The following LDLRAD4 variants were observed in gnomAD, a reference collection of about 807,000 sequenced individuals.
LDLRAD4 encodes low density lipoprotein receptor class A domain containing 4, also known as low-density lipoprotein receptor class A domain-containing protein 4.
In LDLRAD4, 5 loss-of-function variants were observed where a neutral mutation model predicts 17.0. The observed-to-expected ratio is 0.29, with a 90% CI of 0.15 to 0.62. LDLRAD4 has a LOEUF of 0.62. LDLRAD4 is among the 20% of genes least tolerant of loss of function. The pLI, the probability that LDLRAD4 is intolerant of heterozygous loss-of-function variation, is 0.84. For synonymous variants in LDLRAD4, 168 were observed against 171.8 expected (o/e 0.98, Z 0.17); for missense variants, 340 against 424.7 (o/e 0.80, Z 1.75).
chr18:13,492,929 C>CT (rs2093388911), intron 3 of LDLRAD4, among the ~76,000 whole-genome samples: 1 of 152,050 alleles, frequency 6.6e-6, no homozygotes, highest in African/African-American at 2.4e-5. Context: ...CCAGCCTGGG[C>CT]AGCATAGCAA....
At chr18:13,600,562 G>T (rs2095149374) in intron 3 of LDLRAD4, among the ~76,000 whole-genome samples, 1 of 152,224 alleles carries the variant, frequency 6.6e-6, no homozygotes, top group African/African-American at 2.4e-5. Flanking sequence ...AGGGCATTCA[G>T]CTGGAGTCTG....
chr18:13,346,424 G>T (rs1359259734), intron 1 of LDLRAD4, among the ~76,000 whole-genome samples: 1 of 152,178 alleles, frequency 6.6e-6, no homozygotes, highest in Admixed American at 6.5e-5. Flanking sequence ...TAGTTTGATT[G>T]CACTGTGGTC....
At chr18:13,363,655 G>T (rs2083851631) in intron 1 of LDLRAD4, among the ~76,000 whole-genome samples, 2 of 152,184 alleles carry the variant, frequency 1.3e-5, no homozygotes, top group Non-Finnish European at 2.9e-5. Flanking sequence ...TGTTTTGACA[G>T]CTGACAATGA....
rs75826861 is a variant in LDLRAD4 at position 13,290,560 on chromosome 18, T to TAA, written c.-383+12383_-383+12384dup. On this transcript the variant is annotated intron_variant, in intron 1 of 5. Transcript: ENST00000359446. ...CTTTATTCTTCAGACAGGTATTCTT[T>TAA]AAAAAAAAAAAAGATCTGCGTTTGT... is the stretch of plus-strand genomic sequence containing the variant. 6.4e-3 allele frequency among the ~76,000 whole-genome samples: 927 copies of TAA among 145,696 alleles called. 6 individuals carry two copies. Among genetic ancestry groups the TAA allele is most frequent in the African/African-American group, 0.022 (885 of 40,024 alleles).
intron 1 of LDLRAD4, among the ~76,000 whole-genome samples, chr18:13,384,470 T>A (rs1461516929): frequency 6.6e-6 from 1 of 152,258 alleles, no homozygotes; most frequent in East Asian, 1.9e-4. Flanking sequence ...ATACTTTTTT[T>A]ATTAACTGTG....
chr18:13,614,936 G>A (rs2039935605), intron 3 of LDLRAD4: 1 of 152,324 alleles, frequency 6.6e-6, no homozygotes, highest in East Asian at 1.9e-4. Context: ...TCACTGTGCA[G>A]TAGCCAAGCA....
intron 1 of LDLRAD4, among the ~76,000 whole-genome samples, chr18:13,324,850 A>G (rs1174987881): frequency 6.6e-6 from 1 of 152,160 alleles, no homozygotes; most frequent in Non-Finnish European, 1.5e-5. Context: ...AAAACAGCAG[A>G]GGTAGGTGGT....
intron 1 of LDLRAD4, among the ~76,000 whole-genome samples, chr18:13,256,239 G>T (rs2043496140): frequency 6.6e-6 from 1 of 152,200 alleles, no homozygotes; most frequent in Non-Finnish European, 1.5e-5. Context: ...GGATGTAGGG[G>T]GAGGCTTGGG....
intron 3 of LDLRAD4, among the ~76,000 whole-genome samples, chr18:13,601,606 A>T (rs555670986): frequency 3.5e-4 from 52 of 149,524 alleles, no homozygotes; most frequent in Middle Eastern, 3.4e-3. Context: ...GTGAGCCAAG[A>T]TTGCGCCACG....
chr18:13,566,660 C>G (rs2094606413), intron 3 of LDLRAD4, among the ~76,000 whole-genome samples: 3 of 152,144 alleles, frequency 2.0e-5, no homozygotes, highest in African/African-American at 7.2e-5. Flanking sequence ...TGCGCCCAGC[C>G]AAGAGTATGC....
At chr18:13,453,581 T>C (rs1359343935) in intron 3 of LDLRAD4, among the ~76,000 whole-genome samples, 1 of 152,174 alleles carries the variant, frequency 6.6e-6, no homozygotes. Flanking sequence ...TTAACTTTAA[T>C]GAGATAAATA....
chr18:13,441,272 C>CTTTTTTTTTTTTTTTTTTTTTTTTTT (rs2091005528), intron 3 of LDLRAD4, among the ~76,000 whole-genome samples: 1 of 152,106 alleles, frequency 6.6e-6, no homozygotes, highest in African/African-American at 2.4e-5. Flanking sequence ...GTGGATGACA[C>CTTTTTTTTTTTTTTTTTTTTTTTTTT]TTTTTATTGG....
intron 1 of LDLRAD4, among the ~76,000 whole-genome samples, chr18:13,361,410 G>A (rs1404702272): frequency 6.6e-6 from 1 of 152,186 alleles, no homozygotes; most frequent in East Asian, 1.9e-4. Flanking sequence ...TGGAAGAAGG[G>A]TATATATCTT....
At chr18:13,470,010 C>T (rs991953993) in intron 3 of LDLRAD4, among the ~76,000 whole-genome samples, 7 of 152,122 alleles carry the variant, frequency 4.6e-5, no homozygotes, top group African/African-American at 9.7e-5. Context: ...TAGAAAAAAT[C>T]GTGGGACTAT....
At chr18:13,247,679 C>G (rs992808895) in intron 1 of LDLRAD4, among the ~76,000 whole-genome samples, 1 of 152,168 alleles carries the variant, frequency 6.6e-6, no homozygotes, top group Non-Finnish European at 1.5e-5. Flanking sequence ...CACGCACGCA[C>G]AGGGTCTGCA....
intron 1 of LDLRAD4, among the ~76,000 whole-genome samples, chr18:13,337,770 G>T (rs1045515821): frequency 6.7e-6 from 1 of 149,778 alleles, no homozygotes; most frequent in East Asian, 2.0e-4. Context: ...TTAGCCAAGT[G>T]TGGTGGACCT....
intron 3 of LDLRAD4, among the ~76,000 whole-genome samples, chr18:13,447,324 G>T (rs2146313225): frequency 6.6e-6 from 1 of 152,304 alleles, no homozygotes; most frequent in South Asian, 2.1e-4. Context: ...CCCCAGGGAG[G>T]CGCTGGCAGC....
At chr18:13,428,877 T>G (rs2090132131) in intron 2 of LDLRAD4, among the ~76,000 whole-genome samples, 1 of 152,146 alleles carries the variant, frequency 6.6e-6, no homozygotes, top group Non-Finnish European at 1.5e-5. Context: ...TAAGCTGAGA[T>G]GTCTATTATA....
intron 3 of LDLRAD4, among the ~76,000 whole-genome samples, chr18:13,548,273 TG>T (rs2094392646): frequency 8.0e-6 from 1 of 124,542 alleles, no homozygotes. Context: ...GTTCTCACTC[TG>T]GCCAGAAGGT....
Sources: gnomAD v4.1 joint callset for allele counts (sites outside exome capture counted in the v4.1 genomes callset) on GRCh38, gnomAD v4.1.1 for gene constraint, MANE v1.5 for transcripts, NCBI Gene and HGNC (gene_info 2026-07-23, HGNC 2026-07-21) for gene names.